The following SETD2 variants were observed in gnomAD, a reference collection of about 807,000 sequenced individuals.
SETD2 encodes the protein SET domain containing 2, histone lysine methyltransferase.
A neutral mutation model predicts 242.1 loss-of-function variants in SETD2; 31 were observed. That is an observed-to-expected ratio of 0.13 (90% CI 0.10 to 0.17). SETD2 has a LOEUF of 0.17. Among genes scored for constraint, SETD2 ranks in the 10% least tolerant of loss-of-function variants. SETD2 has a pLI of 1.00. For synonymous variants in SETD2, 1,006 were observed against 1,066.5 expected (o/e 0.94, Z 1.11); for missense variants, 2,481 against 3,046.3 (o/e 0.81, Z 4.37).
intron 11 of SETD2, 122 bp from the exon 12 acceptor site, chr3:47,084,504 A>C: frequency 1.5e-6 from 1 of 653,002 alleles, no homozygotes; most frequent in East Asian, 2.8e-5. Context: ...GGCTCACTGC[A>C]ACCTCTGCCT....
At chr3:47,097,311 A>G (rs1307656115) in intron 9 of SETD2, among the ~76,000 whole-genome samples, 1 of 152,212 alleles carries the variant, frequency 6.6e-6, no homozygotes, top group East Asian at 1.9e-4. Context: ...TTTGAAAAAC[A>G]GTGCTCTAGC....
chr3:47,091,829 C>T (rs2041817400), intron 9 of SETD2, among the ~76,000 whole-genome samples: 1 of 151,802 alleles, frequency 6.6e-6, no homozygotes, highest in Non-Finnish European at 1.5e-5. Flanking sequence ...TCTGTAATCC[C>T]AGCTACTCTG....
intron 1 of SETD2, among the ~76,000 whole-genome samples, chr3:47,157,866 T>A: frequency 7.5e-6 from 1 of 132,878 alleles, no homozygotes; most frequent in Admixed American, 7.8e-5. Flanking sequence ...AGAGCAAAAC[T>A]CCATCTCAAA....
chr3:47,119,256 C>T (rs1433770194), intron 3 of SETD2, among the ~76,000 whole-genome samples: 2 of 151,834 alleles, frequency 1.3e-5, no homozygotes, highest in Non-Finnish European at 2.9e-5. Context: ...ACTGAGAAGC[C>T]CTGCTCTAGA....
At position 47,122,822 on chromosome 3, in the gene SETD2, T is replaced by G. The variant is rs1382756465; in HGVS notation, c.1814A>C (p.Lys605Thr). ...SKGSELRMIN[K>T]NPEREKAGSP... ...CCCAGCCTTTTCTCTTTCAGGATTTTTATTAATCATTCTTAATTCACTACC... is the reference window on the plus strand; with the variant it reads ...CCCAGCCTTTTCTCTTTCAGGATTTGTATTAATCATTCTTAATTCACTACC... The change falls in exon 3 of 21, where the codon AAA becomes ACA. Residue 605 changes from lysine to threonine, a missense_variant. By Grantham distance (78) the Lys-to-Thr change is moderately conservative. Coordinates refer to ENST00000409792, the MANE Select transcript of SETD2 (RefSeq NM_014159.7). The G allele has an allele frequency of 1.9e-6, 3 of 1,613,550 alleles. No individual in the cohort carries two copies. Among genetic ancestry groups the G allele is most frequent in the East Asian group, 2.2e-5 (1 of 44,860 alleles).
At chr3:47,146,953 A>G (rs1409779359) in intron 1 of SETD2, among the ~76,000 whole-genome samples, 1 of 151,572 alleles carries the variant, frequency 6.6e-6, no homozygotes, top group Non-Finnish European at 1.5e-5. Flanking sequence ...AAAAAAAAAA[A>G]TTCCTTCATA....
chr3:47,071,221 C>T (rs2040804166), intron 12 of SETD2, among the ~76,000 whole-genome samples: 1 of 152,212 alleles, frequency 6.6e-6, no homozygotes, highest in South Asian at 2.1e-4. Context: ...CCATCTGATA[C>T]TTTTTACATA....
chr3:47,154,447 T>C (rs941297637), intron 1 of SETD2, among the ~76,000 whole-genome samples: 3 of 151,906 alleles, frequency 2.0e-5, no homozygotes, highest in South Asian at 4.1e-4. Context: ...ATATCTTATA[T>C]GTAAATGGAA....
chr3:47,151,426 C>T (rs2106825157), intron 1 of SETD2, among the ~76,000 whole-genome samples: 1 of 152,212 alleles, frequency 6.6e-6, no homozygotes, highest in East Asian at 1.9e-4. Flanking sequence ...AAAAAGCACA[C>T]AGCTAACAAA....
At chr3:47,090,074 CCT>C (rs1252828273) in intron 9 of SETD2, among the ~76,000 whole-genome samples, 3 of 152,082 alleles carry the variant, frequency 2.0e-5, no homozygotes, top group Non-Finnish European at 4.4e-5. Context: ...ATGGTGAAAC[CCT>C]GTCTCTAATA....
chr3:47,076,834 T>C (rs2041100031), intron 12 of SETD2, among the ~76,000 whole-genome samples: 1 of 152,232 alleles, frequency 6.6e-6, no homozygotes, highest in Middle Eastern at 3.2e-3. Context: ...AACTGCCTGC[T>C]AGGCAAGAAG....
intron 1 of SETD2, among the ~76,000 whole-genome samples, chr3:47,136,971 G>A (rs1257938259): frequency 6.6e-6 from 1 of 152,018 alleles, no homozygotes; most frequent in Non-Finnish European, 1.5e-5. Flanking sequence ...GGATTACCTA[G>A]TGAGTACAAT....
chr3:47,076,171 G>A (rs1034703625), intron 12 of SETD2, among the ~76,000 whole-genome samples: 1 of 152,144 alleles, frequency 6.6e-6, no homozygotes, highest in Non-Finnish European at 1.5e-5. Flanking sequence ...TTCCGGGGGG[G>A]AAAAGGAAGA....
At chr3:47,105,710 C>T (rs1259672949) in intron 6 of SETD2, 1 of 439,516 alleles carries the variant, frequency 2.3e-6, no homozygotes, top group South Asian at 1.7e-5. Flanking sequence ...CGAGACCAGC[C>T]TGGCCAACGT....
At chr3:47,135,060 C>T (rs1425068920) in intron 1 of SETD2, among the ~76,000 whole-genome samples, 1 of 152,188 alleles carries the variant, frequency 6.6e-6, no homozygotes, top group Non-Finnish European at 1.5e-5. Context: ...AATGTCAGTT[C>T]ACAGTCTCTA....
rs762254794 is a variant in SETD2 at position 47,062,144 on chromosome 3, ACT to A, written c.6293+17_6293+18del. 16 of 1,600,234 alleles carry A rather than the reference ACT, an allele frequency of 1.0e-5. No homozygotes were observed. Among genetic ancestry groups the A allele is most frequent in the Non-Finnish European group, 1.4e-5 (16 of 1,176,150 alleles). ...TCAAAACAAAAACAAAAACAAAAAA[ACT>A]CACACAGGCCACTTACCTGTCATCT... On this transcript the variant is annotated intron_variant, in intron 14 of 20. Coordinates refer to ENST00000409792, the MANE Select transcript of SETD2 (RefSeq NM_014159.7).
chr3:47,036,905 T>TAAAAAAAAAAAAAAAA (rs60186354), intron 18 of SETD2, among the ~76,000 whole-genome samples: 19 of 117,886 alleles, frequency 1.6e-4, no homozygotes, highest in African/African-American at 2.9e-4. Flanking sequence ...CCGTCTCATT[T>TAAAAAAAAAAAAAAAA]AAAAAAAAAA....
intron 1 of SETD2, among the ~76,000 whole-genome samples, chr3:47,156,898 C>A (rs1236706222): frequency 6.6e-6 from 1 of 152,188 alleles, no homozygotes; most frequent in East Asian, 1.9e-4. Flanking sequence ...GTAATCCCAG[C>A]ACTTTGGGAG....
At chr3:47,108,900 A>T (rs754408279) in intron 5 of SETD2, among the ~76,000 whole-genome samples, 1 of 152,248 alleles carries the variant, frequency 6.6e-6, no homozygotes, top group Non-Finnish European at 1.5e-5. Flanking sequence ...AACCAAAATA[A>T]AAACAAAAAC....
Sources: gnomAD v4.1 joint callset for allele counts (sites outside exome capture counted in the v4.1 genomes callset) on GRCh38, gnomAD v4.1.1 for gene constraint, MANE v1.5 for transcripts, NCBI Gene and HGNC (gene_info 2026-07-23, HGNC 2026-07-21) for gene names.